The following PRRX1 variants were observed in gnomAD, a reference collection of about 807,000 sequenced individuals.
The protein encoded by PRRX1 is paired mesoderm homeobox protein 1.
A neutral mutation model predicts 24.0 loss-of-function variants in PRRX1; 8 were observed. That is an observed-to-expected ratio of 0.33 (90% confidence interval 0.20 to 0.60). PRRX1 has a LOEUF of 0.60. PRRX1 is among the 20% of genes least tolerant of loss of function. The pLI, the probability that PRRX1 is intolerant of heterozygous loss-of-function variation, is 0.82. For missense variants in PRRX1, 281 were observed against 322.4 expected (o/e 0.87, Z 0.98); for synonymous variants, 160 against 131.7 (o/e 1.22, Z -1.47).
At chr1:170,685,583 C>A (rs532993239) in intron 1 of PRRX1, among the ~76,000 whole-genome samples, 25 of 152,258 alleles carry the variant, frequency 1.6e-4, no homozygotes, top group Non-Finnish European at 2.9e-4. Flanking sequence ...TCAATCCTGC[C>A]TCTATTTCTG....
intron 1 of PRRX1, among the ~76,000 whole-genome samples, chr1:170,685,799 G>A (rs1394323320): frequency 1.3e-5 from 2 of 152,106 alleles, no homozygotes; most frequent in East Asian, 1.9e-4. Flanking sequence ...GGGATTCAGA[G>A]GGTGGATTTT....
chr1:170,721,130 C>A (rs1000709513), intron 2 of PRRX1, among the ~76,000 whole-genome samples: 2 of 152,132 alleles, frequency 1.3e-5, no homozygotes, highest in African/African-American at 4.8e-5. Flanking sequence ...CCACTCCCCA[C>A]CCCGCCTCCC....
At chr1:170,697,937 A>C (rs1654227943) in intron 1 of PRRX1, among the ~76,000 whole-genome samples, 1 of 151,142 alleles carries the variant, frequency 6.6e-6, no homozygotes, top group Non-Finnish European at 1.5e-5. Context: ...GCCTTTATAT[A>C]ACATAATTTT....
intron 1 of PRRX1, among the ~76,000 whole-genome samples, chr1:170,675,312 T>G (rs1379192083): frequency 6.6e-6 from 1 of 152,206 alleles, no homozygotes; most frequent in Non-Finnish European, 1.5e-5. Context: ...AAGGATGTTC[T>G]TAGACCACAG....
At chr1:170,735,958 T>G (rs1655587058) in intron 3 of PRRX1, 90 bp from the exon 4 acceptor site, 9 of 1,553,812 alleles carry the variant, frequency 5.8e-6, no homozygotes, top group Non-Finnish European at 8.0e-6. Context: ...CCTGCCCCCA[T>G]GCTGAGAGTA....
chr1:170,686,093 C>T (rs1484474111), intron 1 of PRRX1, among the ~76,000 whole-genome samples: 1 of 149,910 alleles, frequency 6.7e-6, no homozygotes, highest in Non-Finnish European at 1.5e-5. Context: ...CAATCCGGCA[C>T]CTTTCACCAG....
intron 1 of PRRX1, among the ~76,000 whole-genome samples, chr1:170,712,443 T>C (rs1027246634): frequency 2.0e-5 from 3 of 152,204 alleles, no homozygotes; most frequent in African/African-American, 7.2e-5. Context: ...ATAAACGTAT[T>C]TGAATGGCTT....
In PRRX1 at chr1:170,664,190, G is replaced by C. The variant is rs375142985; in HGVS notation, c.-29G>C. On this transcript the variant is annotated 5_prime_UTR_variant, in exon 1 of 4. Coordinates refer to ENST00000239461, the MANE Select transcript of PRRX1 (RefSeq NM_022716.4). The stretch of plus-strand genomic sequence containing the variant: ...TTGGTGTTGATTCGAGCGGGAAGAG[G>C]GGGGTGGGTGGGATCGGTGGGGGAG... 1.0e-5 allele frequency: 16 copies of C among 1,598,510 alleles called. No homozygotes were observed. The highest frequency in any genetic ancestry group is 1.4e-5 in the Non-Finnish European group (16 of 1,172,884).
intron 1 of PRRX1, among the ~76,000 whole-genome samples, chr1:170,694,442 T>C (rs1288451541): frequency 3.3e-5 from 5 of 152,146 alleles, no homozygotes; most frequent in Non-Finnish European, 5.9e-5. Context: ...GAAAATTCTG[T>C]GAATGTCTAT....
chr1:170,702,251 C>T (rs755872996), intron 1 of PRRX1, among the ~76,000 whole-genome samples: 1 of 152,184 alleles, frequency 6.6e-6, no homozygotes, highest in African/African-American at 2.4e-5. Flanking sequence ...TATCAGGCCA[C>T]GGACTGTTAC....
Position 170,708,462 on chromosome 1 carries a change from T to C in PRRX1, c.242-11264T>C, listed in dbSNP as rs150930066. Among the ~76,000 whole-genome samples, 157 of 152,254 alleles carry C rather than the reference T, an allele frequency of 1.0e-3. 1 individual carries two copies. The highest frequency in any genetic ancestry group is 3.6e-3 in the African/African-American group (148 of 41,544). ...CGTAATGTTCCTGTATATTGGAGAATGAATTAGCCAGGCTTTTGCCCAAGC... is the reference window on the plus strand; with the variant it reads ...CGTAATGTTCCTGTATATTGGAGAACGAATTAGCCAGGCTTTTGCCCAAGC... On this transcript the variant is annotated intron_variant, in intron 1 of 3. Coordinates refer to ENST00000239461, the MANE Select transcript of PRRX1 (RefSeq NM_022716.4).
At chr1:170,667,310 GCA>G (rs35009775) in intron 1 of PRRX1, 38,768 of 149,762 alleles carry the variant, frequency 0.26, 5,150 homozygotes, top group South Asian at 0.42. Flanking sequence ...GCGCGCGCGC[GCA>G]CACACACACA....
intron 3 of PRRX1, among the ~76,000 whole-genome samples, chr1:170,733,777 C>T (rs149622179): frequency 9.9e-5 from 15 of 152,084 alleles, no homozygotes; most frequent in African/African-American, 3.1e-4. Context: ...CTTAGATCTT[C>T]GGATTCTTGG....
intron 3 of PRRX1, among the ~76,000 whole-genome samples, chr1:170,729,260 T>G (rs995094722): frequency 2.0e-5 from 3 of 152,220 alleles, no homozygotes; most frequent in Non-Finnish European, 1.5e-5. Context: ...GCAAGAGATA[T>G]CTCAGATCAG....
chr1:170,685,656 C>G (rs921881593), intron 1 of PRRX1, among the ~76,000 whole-genome samples: 4 of 151,706 alleles, frequency 2.6e-5, no homozygotes, highest in African/African-American at 9.7e-5. Context: ...TGATTTCTTT[C>G]TTTCTTTCTT....
rs1475058080 is a variant in PRRX1, at chr1:170,664,672, G to A, written c.241+213G>A. ...GCATAGCCAAGGAGGACGCTGGAGA[G>A]AGGCTCCAAGGTCCGGGGACACTCC... On this transcript the variant is annotated intron_variant, in intron 1 of 3. Transcript: ENST00000239461. Among the ~76,000 whole-genome samples the A allele has an allele frequency of 5.3e-5, 8 of 152,354 alleles. No individual in the cohort carries two copies. In the South Asian group the frequency reaches 1.7e-3, roughly 32 times the overall value.
At chr1:170,699,200 A>G (rs1395431557) in intron 1 of PRRX1, among the ~76,000 whole-genome samples, 1 of 152,190 alleles carries the variant, frequency 6.6e-6, no homozygotes, top group Non-Finnish European at 1.5e-5. Flanking sequence ...AGCACTTTCT[A>G]TGCAGGAGAT....
intron 1 of PRRX1, among the ~76,000 whole-genome samples, chr1:170,676,473 T>C (rs1002662783): frequency 6.6e-6 from 1 of 152,152 alleles, no homozygotes; most frequent in Admixed American, 6.5e-5. Flanking sequence ...CCTTGAAATA[T>C]AATCATTTCA....
intron 1 of PRRX1, among the ~76,000 whole-genome samples, chr1:170,707,283 A>G (rs1654600826): frequency 6.6e-6 from 1 of 152,218 alleles, no homozygotes; most frequent in Non-Finnish European, 1.5e-5. Flanking sequence ...TGACCACTAC[A>G]ACTAAAAAGC....
Sources: gnomAD v4.1 joint callset for allele counts (sites outside exome capture counted in the v4.1 genomes callset) on GRCh38, gnomAD v4.1.1 for gene constraint, MANE v1.5 for transcripts, NCBI Gene and HGNC (gene_info 2026-07-23, HGNC 2026-07-21) for gene names.